The following PDE8B variants were observed in gnomAD, a reference collection of about 807,000 sequenced individuals.
PDE8B encodes the protein high affinity cAMP-specific and IBMX-insensitive 3',5'-cyclic phosphodiesterase 8B.
A neutral mutation model predicts 101.3 loss-of-function variants in PDE8B; 26 were observed. That is an observed-to-expected ratio of 0.26 (90% CI 0.19 to 0.36). PDE8B has a LOEUF of 0.36. PDE8B is among the 10% of genes least tolerant of loss of function. PDE8B has a pLI of 1.00. For synonymous variants in PDE8B, 424 were observed against 429.3 expected (o/e 0.99, Z 0.15); for missense variants, 810 against 1,163.1 (o/e 0.70, Z 4.42).
At chr5:77,178,545 T>C in the PDE8B span, among the ~76,000 whole-genome samples, 1 of 152,212 alleles carries the variant, frequency 6.6e-6, no homozygotes, top group Admixed American at 6.5e-5. Context: ...TTGGCCCTTC[T>C]ACCTAACCCC....
intron 1 of PDE8B, among the ~76,000 whole-genome samples, chr5:77,278,607 C>T (rs1184668880): frequency 6.6e-6 from 1 of 152,042 alleles, no homozygotes; most frequent in Non-Finnish European, 1.5e-5. Context: ...GTAGCTGGGA[C>T]TACAGGCACC....
At chr5:77,298,883 C>T (rs578213673) in intron 1 of PDE8B, among the ~76,000 whole-genome samples, 2 of 152,300 alleles carry the variant, frequency 1.3e-5, no homozygotes, top group South Asian at 4.2e-4. Flanking sequence ...CTGCTGCAAG[C>T]ATTAGATTTT....
the PDE8B span, chr5:77,118,280 A>T: frequency 1.5e-5 from 6 of 398,042 alleles, no homozygotes; most frequent in African/African-American, 1.0e-4. Flanking sequence ...GTTTAGAAGC[A>T]TCTAAATTTT....
chr5:77,112,195 A>G, the PDE8B span: 1 of 152,138 alleles, frequency 6.6e-6, no homozygotes, highest in Non-Finnish European at 1.5e-5. Context: ...ACTGTACTGG[A>G]CAGCACAGGT....
At chr5:77,231,057 T>C (rs1057166179) in intron 1 of PDE8B, among the ~76,000 whole-genome samples, 2 of 152,208 alleles carry the variant, frequency 1.3e-5, no homozygotes, top group Non-Finnish European at 1.5e-5. Context: ...TAGAATTAAA[T>C]GTGGGCCAGG....
At chr5:77,321,308 C>T (rs758665925) in intron 2 of PDE8B, among the ~76,000 whole-genome samples, 8 of 151,974 alleles carry the variant, frequency 5.3e-5, no homozygotes, top group Non-Finnish European at 1.0e-4. Flanking sequence ...TGCACCACCA[C>T]GCCTGGCTAA....
chr5:77,162,005 AAT>A, the PDE8B span, among the ~76,000 whole-genome samples: 1 of 151,694 alleles, frequency 6.6e-6, no homozygotes, highest in Admixed American at 6.6e-5. Context: ...ATGTGAGGAA[AAT>A]ATAATCATGT....
the PDE8B span, chr5:77,139,945 A>G: frequency 1.3e-5 from 2 of 152,164 alleles, no homozygotes; most frequent in East Asian, 3.9e-4. Flanking sequence ...TGTTAATTTC[A>G]TGATCTGACC....
At chr5:77,418,942 G>A (rs1222254581) in intron 18 of PDE8B, among the ~76,000 whole-genome samples, 1 of 152,150 alleles carries the variant, frequency 6.6e-6, no homozygotes, top group Non-Finnish European at 1.5e-5. Context: ...CTTGCAGTCA[G>A]GCTTGTGGGT....
chr5:77,088,698 C>T, the PDE8B span: 34 of 152,536 alleles, frequency 2.2e-4, no homozygotes, highest in African/African-American at 8.2e-4. Context: ...TGCGGCTCTT[C>T]TGCTCTTCTG....
the PDE8B span, among the ~76,000 whole-genome samples, chr5:77,173,441 T>C: frequency 1.8e-4 from 27 of 152,274 alleles, no homozygotes; most frequent in African/African-American, 6.5e-4. Flanking sequence ...ATTGGCAATT[T>C]TGTTACAAAA....
intron 1 of PDE8B, among the ~76,000 whole-genome samples, chr5:77,292,062 A>T (rs1377444341): frequency 1.3e-5 from 2 of 151,650 alleles, no homozygotes; most frequent in African/African-American, 4.8e-5. Flanking sequence ...AGCAGCCTAC[A>T]TACATTTTGT....
intron 1 of PDE8B, among the ~76,000 whole-genome samples, chr5:77,233,987 C>T (rs1754171987): frequency 6.6e-6 from 1 of 151,854 alleles, no homozygotes; most frequent in African/African-American, 2.4e-5. Flanking sequence ...TCTGATGCAC[C>T]TATTATGGAT....
At chr5:77,235,009 C>T (rs1248067435) in intron 1 of PDE8B, among the ~76,000 whole-genome samples, 1 of 152,160 alleles carries the variant, frequency 6.6e-6, no homozygotes, top group African/African-American at 2.4e-5. Context: ...TGGTCTCTCA[C>T]CCCCAACCCA....
At chr5:77,393,402 A>C (rs1790365042) in intron 10 of PDE8B, among the ~76,000 whole-genome samples, 1 of 152,012 alleles carries the variant, frequency 6.6e-6, no homozygotes, top group South Asian at 2.1e-4. Flanking sequence ...CCAAAAAAAA[A>C]AAAAGAAAGA....
chr5:77,174,658 G>A, the PDE8B span, among the ~76,000 whole-genome samples: 1 of 152,010 alleles, frequency 6.6e-6, no homozygotes, highest in African/African-American at 2.4e-5. Flanking sequence ...TCCTCCTATC[G>A]CATGGGCCTC....
intron 6 of PDE8B, among the ~76,000 whole-genome samples, chr5:77,339,071 G>A (rs951965087): frequency 3.3e-5 from 5 of 152,174 alleles, no homozygotes; most frequent in Admixed American, 2.6e-4. Context: ...CAACACAATA[G>A]CATAAAGAAA....
the PDE8B span, among the ~76,000 whole-genome samples, chr5:77,188,113 T>C: frequency 1.3e-5 from 2 of 152,214 alleles, no homozygotes; most frequent in Non-Finnish European, 2.9e-5. Context: ...TAGCATGCAA[T>C]TGAAATAGGA....
intron 10 of PDE8B, among the ~76,000 whole-genome samples, chr5:77,376,279 C>T (rs1000935371): frequency 6.6e-6 from 1 of 152,062 alleles, no homozygotes; most frequent in Admixed American, 6.5e-5. Context: ...TTTGAGAATG[C>T]CCCAAACTTA....
Sources: gnomAD v4.1 joint callset for allele counts (sites outside exome capture counted in the v4.1 genomes callset) on GRCh38, gnomAD v4.1.1 for gene constraint, MANE v1.5 for transcripts, NCBI Gene and HGNC (gene_info 2026-07-23, HGNC 2026-07-21) for gene names.